The following SSUH2 variants were observed in gnomAD, a reference collection of about 807,000 sequenced individuals.
The protein encoded by SSUH2 is ssu-2 homolog.
Under a neutral mutation model 55.3 loss-of-function variants are expected in SSUH2, and 47 were observed. The ratio of observed to expected loss-of-function variants is 0.85; its 90% CI spans 0.67 to 1.08. The LOEUF (loss-of-function observed/expected upper bound fraction) is 1.08, where lower values mean the gene tolerates loss of function less well. Ranked by LOEUF, SSUH2 falls within the 50% of genes least tolerant of loss-of-function variation. The pLI, the probability that SSUH2 is intolerant of heterozygous loss-of-function variation, is 0.00. For synonymous variants in SSUH2, 212 were observed against 191.5 expected (o/e 1.11, Z -0.89); for missense variants, 535 against 490.7 (o/e 1.09, Z -0.85).
intron 3 of SSUH2, among the ~76,000 whole-genome samples, chr3:8,674,929 C>G (rs1478572470): frequency 6.6e-6 from 1 of 152,088 alleles, no homozygotes; most frequent in African/African-American, 2.4e-5. Flanking sequence ...GCCGGTTAGG[C>G]AAAAACAGGA....
intron 5 of SSUH2, among the ~76,000 whole-genome samples, chr3:8,668,324 T>C (rs1445559100): frequency 6.6e-6 from 1 of 152,218 alleles, no homozygotes; most frequent in African/African-American, 2.4e-5. Context: ...TTTTCACAGG[T>C]TGGCTCTCTG....
At chr3:8,674,148 G>T (rs1313354272) in intron 3 of SSUH2, among the ~76,000 whole-genome samples, 3 of 152,044 alleles carry the variant, frequency 2.0e-5, no homozygotes, top group Admixed American at 2.0e-4. Flanking sequence ...GAGAATGAAC[G>T]TCAGGCCTGG....
At chr3:8,631,995 C>T (rs985736655) in intron 5 of SSUH2, 54 bp downstream of exon 5, 12 of 1,437,266 alleles carry the variant, frequency 8.3e-6, no homozygotes, top group Admixed American at 3.4e-5. Context: ...TATTTTCCAC[C>T]AGCACCCTGA....
At chr3:8,623,435 G>A (rs1014646172) in intron 11 of SSUH2, 114 bp downstream of exon 11, 20 of 712,466 alleles carry the variant, frequency 2.8e-5, no homozygotes, top group East Asian at 5.5e-5. Flanking sequence ...CTCCTCCCCC[G>A]GGACCTCCCT....
chr3:8,627,230 G>A (rs1339714333), intron 8 of SSUH2: 1 of 155,028 alleles, frequency 6.5e-6, no homozygotes, highest in African/African-American at 2.4e-5. Flanking sequence ...AAAGCTGTGA[G>A]CAGTGATGAA....
intron 1 of SSUH2, among the ~76,000 whole-genome samples, chr3:8,644,307 A>T (rs1428617393): frequency 6.6e-6 from 1 of 152,194 alleles, no homozygotes; most frequent in Non-Finnish European, 1.5e-5. Context: ...GAATCCTGAA[A>T]ATCTCACTTA....
chr3:8,631,792 C>T (rs544094949), intron 5 of SSUH2, among the ~76,000 whole-genome samples: 4 of 152,074 alleles, frequency 2.6e-5, no homozygotes, highest in African/African-American at 9.6e-5. Context: ...TGTGGCAGCA[C>T]CAGACTGTAG....
rs1195974563 is a variant in SSUH2, at chr3:8,678,728, G to T, written c.-901+977C>A. 8.5e-5 allele frequency among the ~76,000 whole-genome samples: 3 copies of T among 35,284 alleles called. 1 individual carries two copies. The highest frequency in any genetic ancestry group is 5.7e-3 in the East Asian group (2 of 352). The allele number at this position is 35,284 out of a possible 152,430, so 23.1% of individuals were successfully genotyped here. A position where few individuals can be genotyped will look rare whatever the true frequency, so the allele number is the denominator to read the frequency against. ...TGGGTCTTAGGACCCCCAACGTGGG[G>T]GGGGGAGGCACCACACGCGAGGCGG... On this transcript the variant is annotated intron_variant, in intron 2 of 18. Transcript: ENST00000317371.
At chr3:8,671,148 G>A (rs534302723) in exon 5 of SSUH2, 55 of 193,436 alleles carry the variant, frequency 2.8e-4, no homozygotes, top group Non-Finnish European at 4.8e-4. Flanking sequence ...TAGCAGTAAC[G>A]TTTTCCTGGA....
Position 8,625,639 on chromosome 3 carries a change from C to T in SSUH2, c.776G>A (p.Ser259Asn), listed in dbSNP as rs59315778. ...GTGCTCAGACACAAACTCAAACAAG[C>T]TGTTCTTCCTGGAGGGAAGGAGGAT... ...FIQLVIMWKN[S>N]LFEFVSEHRL... is the part of the protein sequence containing the mutation. Residue 259 changes from serine (S) to asparagine (N), a missense_variant, in exon 10 of 12, where the codon AGC (serine) becomes AAC (asparagine). Ser to Asn is a conservative substitution (Grantham distance 46). Coordinates refer to ENST00000544814, the MANE Select transcript of SSUH2 (RefSeq NM_001256748.3). 231 of 1,612,446 alleles carry T rather than the reference C, an allele frequency of 1.4e-4. 2 individuals are homozygous for T. The East Asian group carries it at 4.9e-3, about 34-fold the overall frequency.
At chr3:8,665,424 T>A (rs1258779261) in intron 5 of SSUH2, among the ~76,000 whole-genome samples, 1 of 152,144 alleles carries the variant, frequency 6.6e-6, no homozygotes. Flanking sequence ...CAGGGAGAGG[T>A]TCATTCTGCA....
intron 2 of SSUH2, among the ~76,000 whole-genome samples, chr3:8,678,461 C>T (rs898395152): frequency 6.6e-6 from 1 of 151,566 alleles, no homozygotes; most frequent in Non-Finnish European, 1.5e-5. Flanking sequence ...CCTCTATCCC[C>T]CCCTGGCTCT....
At chr3:8,625,114 C>T (rs1199388178) in intron 10 of SSUH2, among the ~76,000 whole-genome samples, 1 of 152,004 alleles carries the variant, frequency 6.6e-6, no homozygotes, top group East Asian at 1.9e-4. Flanking sequence ...AGACTGTAAG[C>T]TCTATGAGGG....
rs1412068906 is a variant in SSUH2, at chr3:8,678,645, AGT to A, written c.-901+1058_-901+1059del. Among the ~76,000 whole-genome samples the A allele has an allele frequency of 2.1e-3, 105 of 50,962 alleles. 5 individuals are homozygous for A. Among genetic ancestry groups the A allele is most frequent in the Non-Finnish European group, 3.8e-3 (93 of 24,420 alleles). The allele number at this position is 50,962 out of a possible 152,430, so 33.4% of individuals were successfully genotyped here. On this transcript the variant is annotated intron_variant, in intron 2 of 18. Transcript: ENST00000317371. ...CCCCGGCTTTTGGGACCCCCATCGC[AGT>A]GGGGGGAGGCACCCCCCGCGAGGCG...
At chr3:8,626,402 C>T (rs929488181) in intron 8 of SSUH2, 81 bp from the exon 9 acceptor site, 5 of 1,016,422 alleles carry the variant, frequency 4.9e-6, no homozygotes, top group Admixed American at 1.7e-5. Flanking sequence ...GCACCCCCTT[C>T]CTCCTGGAGG....
chr3:8,676,810 G>A (rs568475360), intron 3 of SSUH2, among the ~76,000 whole-genome samples: 44 of 147,934 alleles, frequency 3.0e-4, no homozygotes, highest in Non-Finnish European at 4.7e-4. Flanking sequence ...CCAGTGAGGC[G>A]GGGACTGAGA....
At chr3:8,678,017 C>G (rs1222221380) in intron 2 of SSUH2, among the ~76,000 whole-genome samples, 1 of 151,806 alleles carries the variant, frequency 6.6e-6, no homozygotes, top group Admixed American at 6.5e-5. Flanking sequence ...TTTTTCTACT[C>G]CCTGCGATAT....
intron 1 of SSUH2, among the ~76,000 whole-genome samples, chr3:8,640,971 C>T (rs1037159584): frequency 2.0e-5 from 3 of 152,244 alleles, no homozygotes; most frequent in Non-Finnish European, 4.4e-5. Context: ...GACAGGGCCA[C>T]ACAGGGACTG....
intron 5 of SSUH2, among the ~76,000 whole-genome samples, chr3:8,666,049 C>A (rs1174890804): frequency 6.6e-6 from 1 of 152,216 alleles, no homozygotes; most frequent in African/African-American, 2.4e-5. Flanking sequence ...GCTCCCAAAA[C>A]ACCTCTGAGA....
Sources: allele counts gnomAD v4.1 joint callset (sites outside exome capture counted in the v4.1 genomes callset), GRCh38; gene constraint gnomAD v4.1.1; transcripts MANE v1.5; gene names NCBI Gene and HGNC (gene_info 2026-07-23, HGNC 2026-07-21).